THRAP3: variants seen among roughly 807,000 people sequenced by gnomAD.
The protein encoded by THRAP3 is thyroid hormone receptor-associated protein 3.
In THRAP3, 16 loss-of-function variants were observed where a neutral mutation model predicts 101.0. The ratio of observed to expected loss-of-function variants is 0.16; its 90% CI spans 0.11 to 0.24. The LOEUF (loss-of-function observed/expected upper bound fraction) is 0.24. Among genes scored for constraint, THRAP3 ranks in the 10% least tolerant of loss-of-function variants. THRAP3 has a pLI of 1.00. For missense variants in THRAP3, 989 were observed against 1,202.7 expected, an observed-to-expected ratio of 0.82 and a Z score of 2.63; for synonymous variants, 407 against 422.6, an observed-to-expected ratio of 0.96 and a Z score of 0.45.
At chr1:36,283,646 CCTTGT>C in intron 3 of THRAP3, among the ~76,000 whole-genome samples, 2 of 145,356 alleles carry the variant, frequency 1.4e-5, no homozygotes, top group Admixed American at 1.4e-4. Flanking sequence ...TATCTAGAAT[CCTTGT>C]CTTAGATGAA....
chr1:36,297,571 C>G (rs1477818497), intron 9 of THRAP3, among the ~76,000 whole-genome samples: 1 of 151,396 alleles, frequency 6.6e-6, no homozygotes, highest in Non-Finnish European at 1.5e-5. Flanking sequence ...GCCTCAGCCT[C>G]CTGAGTAGCT....
At position 36,286,877 on chromosome 1, in the gene THRAP3, C is replaced by T; in HGVS notation, c.647C>T (p.Ala216Val). The change falls in exon 4 of 12, where the codon GCA becomes GTA. Residue 216 changes from alanine to valine, a missense_variant. Ala to Val is a moderately conservative substitution (Grantham distance 64). Coordinates refer to ENST00000354618, the MANE Select transcript of THRAP3 (RefSeq NM_005119.4). This position sits in a 1 kb window ranked among gnomAD's most constrained non-coding sequence, Gnocchi z 5.5. ...FSGGTSQDTK[A>V]SESSKPWPDA... ...GGAGGCACCTCTCAAGATACAAAAGCATCTGAGAGCTCGAAGCCATGGCCA... is the reference window on the plus strand; with the variant it reads ...GGAGGCACCTCTCAAGATACAAAAGTATCTGAGAGCTCGAAGCCATGGCCA... The T allele has an allele frequency of 6.2e-7, 1 of 1,614,060 alleles. No homozygotes were observed. The highest frequency in any genetic ancestry group is 8.5e-7 in the Non-Finnish European group (1 of 1,179,910).
intron 1 of THRAP3, among the ~76,000 whole-genome samples, chr1:36,247,184 G>T (rs960068139): frequency 1.3e-5 from 2 of 152,046 alleles, no homozygotes; most frequent in African/African-American, 2.4e-5. Flanking sequence ...GTGTGTGGTG[G>T]TGGGCGCCTG....
intron 1 of THRAP3, among the ~76,000 whole-genome samples, chr1:36,226,311 G>A (rs1254174496): frequency 1.3e-5 from 2 of 152,196 alleles, no homozygotes; most frequent in Non-Finnish European, 2.9e-5. Flanking sequence ...CCAGGCTGGA[G>A]TGCAGGGGCA....
chr1:36,281,937 G>T (rs1570320701), intron 2 of THRAP3, among the ~76,000 whole-genome samples: 4 of 152,250 alleles, frequency 2.6e-5, no homozygotes, highest in South Asian at 4.1e-4. Context: ...GCCGGGCATG[G>T]TGGCCCATGC....
At chr1:36,261,797 GGTA>G (rs1336037468) in intron 2 of THRAP3, among the ~76,000 whole-genome samples, 1 of 152,152 alleles carries the variant, frequency 6.6e-6, no homozygotes, top group Non-Finnish European at 1.5e-5. Context: ...GATCCAAAAT[GGTA>G]GTAGATCTTT....
At chr1:36,287,306 T>C (rs753746037) in intron 4 of THRAP3, 36 bp downstream of exon 4, 1 of 1,545,590 alleles carries the variant, frequency 6.5e-7, no homozygotes, top group Non-Finnish European at 8.7e-7. Context: ...GTTGTGTTTT[T>C]ATCTCACTAG....
chr1:36,241,009 A>G (rs1449568525), intron 1 of THRAP3, among the ~76,000 whole-genome samples: 1 of 152,036 alleles, frequency 6.6e-6, no homozygotes, highest in Non-Finnish European at 1.5e-5. Context: ...GATCGGGACC[A>G]TCCCGGCTAA....
intron 1 of THRAP3, among the ~76,000 whole-genome samples, chr1:36,257,624 A>T (rs999072051): frequency 1.3e-5 from 2 of 152,200 alleles, no homozygotes; most frequent in African/African-American, 2.4e-5. Flanking sequence ...CTTCGCTGTC[A>T]CAGAGTAACT....
chr1:36,281,995 C>T (rs2124581301), intron 2 of THRAP3, among the ~76,000 whole-genome samples: 1 of 152,224 alleles, frequency 6.6e-6, no homozygotes, highest in Non-Finnish European at 1.5e-5. Flanking sequence ...ATTGCTTGAA[C>T]CCGGGAGGCG....
At position 36,287,236 on chromosome 1, in the gene THRAP3, A is replaced by C. The variant is rs751813599; in HGVS notation, c.1006A>C (p.Ser336Arg). Residue 336 changes from serine (S) to arginine (R), a missense_variant, in exon 4 of 12, where the codon AGT (serine) becomes CGT (arginine). Ser to Arg is a moderately radical substitution (Grantham distance 110). Transcript: ENST00000354618. ...ATATGGCTCATCTCAGAAGGAGGAG[A>C]GTGCTGCTTCAGGAGGAGCAGCCTA... Reference protein sequence around the residue: ...STYGSSQKEESAASGGAAYTK... With the variant: ...STYGSSQKEERAASGGAAYTK... 1.5e-5 allele frequency: 25 copies of C among 1,613,084 alleles called. No homozygotes were observed. The highest frequency in any genetic ancestry group is 2.1e-5 in the Non-Finnish European group (25 of 1,179,434).
chr1:36,243,238 C>G (rs1208021165), intron 1 of THRAP3, among the ~76,000 whole-genome samples: 1 of 113,760 alleles, frequency 8.8e-6, no homozygotes, highest in Admixed American at 1.2e-4. Flanking sequence ...TTGGGTGTTT[C>G]TTGCAGAGGG....
chr1:36,281,289 T>G (rs536136819), intron 2 of THRAP3, among the ~76,000 whole-genome samples: 207 of 152,336 alleles, frequency 1.4e-3, no homozygotes, highest in Middle Eastern at 6.8e-3. Flanking sequence ...TAAGTTAAAT[T>G]GCATGCGGTT....
chr1:36,229,494 A>G lies in THRAP3; in HGVS notation c.-135+4989A>G, dbSNP rs369277950. Reference sequence around the variant, plus strand: ...TAGAAATTTTAGTTTCTTTTTGTCTAGAAGATAGGGGCTGGTTTTGCTCAT... The same window carrying G: ...TAGAAATTTTAGTTTCTTTTTGTCTGGAAGATAGGGGCTGGTTTTGCTCAT... On this transcript the variant is annotated intron_variant, in intron 1 of 11. Transcript: ENST00000354618. 1.1e-4 allele frequency among the ~76,000 whole-genome samples: 16 copies of G among 143,386 alleles called. 2 individuals carry two copies. The highest frequency in any genetic ancestry group is 3.4e-4 in the African/African-American group (13 of 37,992). The allele number at this position is 143,386 out of a possible 152,430, so 94.1% of individuals were successfully genotyped here.
At position 36,282,709 on chromosome 1, in the gene THRAP3, G is replaced by T. The variant is rs375297019; in HGVS notation, c.137+9G>T. 2.5e-6 allele frequency: 4 copies of T among 1,613,970 alleles called. No homozygotes were observed. The highest frequency in any genetic ancestry group is 3.4e-6 in the Non-Finnish European group (4 of 1,179,900). ...AGGAAGCGCAGGCTGAGGTAAGGGG[G>T]TGTGACTTTGTATATTGAGATAATC... is the stretch of plus-strand genomic sequence containing the variant. On this transcript the variant is annotated intron_variant, in intron 3 of 11. Coordinates refer to ENST00000354618, the MANE Select transcript of THRAP3 (RefSeq NM_005119.4).
At chr1:36,224,220 G>T (rs947061480), upstream of THRAP3, among the ~76,000 whole-genome samples, 2 of 152,228 alleles carry the variant, frequency 1.3e-5, no homozygotes, top group African/African-American at 4.8e-5. Flanking sequence ...CCACCCAGGC[G>T]GGGGGAGGGG....
chr1:36,300,701 A>T (rs907764325), intron 9 of THRAP3, among the ~76,000 whole-genome samples, 185 bp from the exon 10 acceptor site: 3 of 152,152 alleles, frequency 2.0e-5, no homozygotes, highest in African/African-American at 7.2e-5. Flanking sequence ...AACATGACTG[A>T]CAGAATTGAG....
At chr1:36,225,733 A>G (rs1437624883) in intron 1 of THRAP3, among the ~76,000 whole-genome samples, 1 of 152,234 alleles carries the variant, frequency 6.6e-6, no homozygotes, top group East Asian at 1.9e-4. Flanking sequence ...CTTGTTAAAT[A>G]GCCAAAACCG....
intron 1 of THRAP3, among the ~76,000 whole-genome samples, chr1:36,243,291 C>T (rs1320893915): frequency 6.6e-6 from 1 of 151,422 alleles, no homozygotes; most frequent in Non-Finnish European, 1.5e-5. Flanking sequence ...GGAAGGTCAG[C>T]AGATAAACAA....
Sources: allele counts gnomAD v4.1 joint callset (sites outside exome capture counted in the v4.1 genomes callset), GRCh38; gene constraint gnomAD v4.1.1; non-coding constraint Gnocchi (gnomAD v3.1); transcripts MANE v1.5; gene names NCBI Gene and HGNC (gene_info 2026-07-23, HGNC 2026-07-21).